Variants in SGPP1 observed in about 807,000 individuals in gnomAD.
SGPP1 encodes hSPP1.
In SGPP1, 21 loss-of-function variants were observed where a neutral mutation model predicts 33.0. That is an observed-to-expected ratio of 0.64 (90% CI 0.45 to 0.92). The LOEUF is 0.92. SGPP1 is among the 40% of genes least tolerant of loss of function. SGPP1 has a pLI of 0.00. For missense variants in SGPP1, 543 were observed against 589.4 expected (o/e 0.92, Z 0.81); for synonymous variants, 239 against 241.2 (o/e 0.99, Z 0.08).
At chr14:63,689,472 A>G (rs1405749234) in intron 2 of SGPP1, among the ~76,000 whole-genome samples, 1 of 151,952 alleles carries the variant, frequency 6.6e-6, no homozygotes, top group African/African-American at 2.4e-5. Context: ...ATTTTTTCAA[A>G]TCGTTTTACC....
intron 1 of SGPP1, among the ~76,000 whole-genome samples, chr14:63,705,466 G>C (rs1885390516): frequency 6.6e-6 from 1 of 151,262 alleles, no homozygotes; most frequent in South Asian, 2.1e-4. Flanking sequence ...CCAGGAGTTT[G>C]AGATGAGCCT....
chr14:63,687,758 T>G (rs1355820970), intron 2 of SGPP1, among the ~76,000 whole-genome samples: 1 of 152,204 alleles, frequency 6.6e-6, no homozygotes, highest in Non-Finnish European at 1.5e-5. Context: ...CCCAACACTT[T>G]GTCGAAACTG....
chr14:63,721,446 G>GAA (rs879423776), intron 1 of SGPP1, among the ~76,000 whole-genome samples: 1 of 134,892 alleles, frequency 7.4e-6, no homozygotes, highest in Non-Finnish European at 1.6e-5. Flanking sequence ...TTCGTATCCA[G>GAA]AAAAAAAAAA....
At chr14:63,722,907 G>A (rs933534270) in intron 1 of SGPP1, among the ~76,000 whole-genome samples, 1 of 151,450 alleles carries the variant, frequency 6.6e-6, no homozygotes, top group East Asian at 1.9e-4. Context: ...GGGAGGTCGA[G>A]GCTGCAGTGA....
At chr14:63,722,795 G>A (rs73265752) in intron 1 of SGPP1, among the ~76,000 whole-genome samples, 83 of 151,080 alleles carry the variant, frequency 5.5e-4, no homozygotes, top group African/African-American at 1.9e-3. Context: ...GCAAAACCCC[G>A]TCTCTATAAC....
chr14:63,708,623 C>A (rs930558957), intron 1 of SGPP1, among the ~76,000 whole-genome samples: 1 of 152,052 alleles, frequency 6.6e-6, no homozygotes, highest in Non-Finnish European at 1.5e-5. Flanking sequence ...AAATTCAATT[C>A]TAGGCAGACA....
At chr14:63,719,239 G>T (rs1443413835) in intron 1 of SGPP1, among the ~76,000 whole-genome samples, 3 of 149,906 alleles carry the variant, frequency 2.0e-5, no homozygotes, top group Admixed American at 6.7e-5. Context: ...GTCTGACCTC[G>T]GCTGATCCGC....
intron 1 of SGPP1, among the ~76,000 whole-genome samples, chr14:63,723,424 C>A (rs1260085842): frequency 6.6e-6 from 1 of 152,050 alleles, no homozygotes; most frequent in African/African-American, 2.4e-5. Flanking sequence ...TTATAACGTA[C>A]CTTAAAAAAA....
Position 63,710,786 on chromosome 14 carries a change from C to T in SGPP1, c.685-12128G>A, listed in dbSNP as rs752970479. Among the ~76,000 whole-genome samples the T allele has an allele frequency of 6.4e-4, 97 of 152,242 alleles. 1 individual carries two copies. Among genetic ancestry groups the T allele is most frequent in the Admixed American group, 1.4e-3 (22 of 15,294 alleles). ...AGATCATGTAAAGAAAATATAGCTT[C>T]CCTATAGGTAAGGGAGCTTTTAGAG... On this transcript the variant is annotated intron_variant, in intron 1 of 2. Coordinates refer to ENST00000247225, the MANE Select transcript of SGPP1 (RefSeq NM_030791.4).
intron 1 of SGPP1, among the ~76,000 whole-genome samples, chr14:63,719,424 T>A (rs1885721765): frequency 6.6e-6 from 1 of 152,086 alleles, no homozygotes; most frequent in Non-Finnish European, 1.5e-5. Flanking sequence ...ATTTCCAGGA[T>A]GAATGTAAAT....
At chr14:63,702,230 T>C (rs1181761481) in intron 1 of SGPP1, among the ~76,000 whole-genome samples, 2 of 152,228 alleles carry the variant, frequency 1.3e-5, no homozygotes, top group Non-Finnish European at 2.9e-5. Context: ...TGGAATGTTA[T>C]CAAGCCAGAT....
At chr14:63,690,434 T>C (rs1347665467) in intron 2 of SGPP1, among the ~76,000 whole-genome samples, 1 of 152,206 alleles carries the variant, frequency 6.6e-6, no homozygotes. Flanking sequence ...AAAAGAGATA[T>C]AACTCCAAAT....
At chr14:63,698,483 G>C (rs759949527) in intron 2 of SGPP1, 86 bp downstream of exon 2, 8 of 656,436 alleles carry the variant, frequency 1.2e-5, no homozygotes, top group East Asian at 3.1e-5. Flanking sequence ...TTAGGCTTCA[G>C]GTAAGTTTGC....
At chr14:63,701,908 C>A (rs1042445204) in intron 1 of SGPP1, among the ~76,000 whole-genome samples, 1 of 114,900 alleles carries the variant, frequency 8.7e-6, no homozygotes, top group Non-Finnish European at 1.7e-5. Context: ...TTTTAAAAAG[C>A]TGTTGACAGC....
intron 1 of SGPP1, among the ~76,000 whole-genome samples, chr14:63,704,792 G>A (rs1885371653): frequency 6.6e-6 from 1 of 152,150 alleles, no homozygotes; most frequent in African/African-American, 2.4e-5. Flanking sequence ...AAAAGCATGT[G>A]TAACAAAAGA....
chr14:63,710,737 C>T (rs1330848085), intron 1 of SGPP1, among the ~76,000 whole-genome samples: 2 of 152,188 alleles, frequency 1.3e-5, no homozygotes, highest in Non-Finnish European at 2.9e-5. Context: ...AGACTCTGTA[C>T]CTGTTCTCAA....
chr14:63,711,266 C>T (rs184105224), intron 1 of SGPP1, among the ~76,000 whole-genome samples: 13 of 152,048 alleles, frequency 8.5e-5, no homozygotes, highest in East Asian at 1.9e-4. Flanking sequence ...CCGCCCACCT[C>T]GGTCTCCCAA....
chr14:63,711,015 CT>C (rs1392932036), intron 1 of SGPP1, among the ~76,000 whole-genome samples: 325 of 140,588 alleles, frequency 2.3e-3, no homozygotes, highest in East Asian at 2.1e-3. Flanking sequence ...TGTTTTCTTT[CT>C]TTTTTTTTTT....
rs563173248 is a variant in SGPP1 at position 63,707,746 on chromosome 14, C to G, written c.685-9088G>C. ...CAGGCATGAGCCACTGCACCAAGCCCTTATTAAGTATTTTTTTATGTCTTG... is the reference window on the plus strand; with the variant it reads ...CAGGCATGAGCCACTGCACCAAGCCGTTATTAAGTATTTTTTTATGTCTTG... On this transcript the variant is annotated intron_variant, in intron 1 of 2. Coordinates refer to ENST00000247225, the MANE Select transcript of SGPP1 (RefSeq NM_030791.4). Among the ~76,000 whole-genome samples, 7 of 152,052 alleles carry G rather than the reference C, an allele frequency of 4.6e-5. No homozygotes were observed. In the South Asian group the frequency reaches 1.5e-3, roughly 32 times the overall value.
Sources: gnomAD v4.1 joint callset for allele counts (sites outside exome capture counted in the v4.1 genomes callset) on GRCh38, gnomAD v4.1.1 for gene constraint, MANE v1.5 for transcripts, NCBI Gene and HGNC (gene_info 2026-07-23, HGNC 2026-07-21) for gene names.